Variants in FBLN1 observed in about 807,000 individuals in gnomAD.
FBLN1 encodes the protein fibulin-1.
FBLN1 carries 34 observed loss-of-function variants against 89.7 expected under a neutral mutation model. The ratio of observed to expected loss-of-function variants is 0.38; its 90% CI spans 0.29 to 0.50. The LOEUF is 0.50. Ranked by LOEUF, FBLN1 falls within the 20% of genes least tolerant of loss-of-function variation. The probability of loss-of-function intolerance (pLI) is 0.92; values close to 1 mark genes in which losing one functional copy is unlikely to be tolerated. For synonymous variants in FBLN1, 393 were observed against 391.3 expected, an observed-to-expected ratio of 1.00 and a Z score of -0.05; for missense variants, 777 against 988.1, an observed-to-expected ratio of 0.79 and a Z score of 2.86.
chr22:45,514,214 T>C (rs375299726), intron 1 of FBLN1, among the ~76,000 whole-genome samples: 3 of 152,334 alleles, frequency 2.0e-5, no homozygotes, highest in South Asian at 4.1e-4. Context: ...TCCTGCCCTG[T>C]CCCAAGGTAA....
chr22:45,574,746 A>T lies in FBLN1; in HGVS notation c.1840+93A>T. 1.1e-4 allele frequency: 87 copies of T among 811,960 alleles called. No homozygotes were observed. The highest frequency in any genetic ancestry group is 1.7e-4 in the Non-Finnish European group (84 of 499,354). The allele number at this position is 811,960 out of a possible 1,614,324, so 50.3% of individuals were successfully genotyped here. On this transcript the variant is annotated intron_variant, in intron 15 of 16. Coordinates refer to ENST00000327858, the MANE Select transcript of FBLN1 (RefSeq NM_006486.3). The surrounding 1 kb of genome is among the most constrained non-coding windows in gnomAD (Gnocchi z 4.1). ...GCCTACAGGAGTTGTTCCTTGTAAG[A>T]TGTGGCCCAGGCTTTGAAATGCAGA...
In FBLN1 at chr22:45,529,580, T is replaced by C. The variant is rs528117111; in HGVS notation, c.484+1571T>C. Among the ~76,000 whole-genome samples the C allele has an allele frequency of 2.6e-5, 4 of 152,296 alleles. No individual in the cohort carries two copies. The East Asian group carries it at 5.8e-4, about 22-fold the overall frequency. ...CCACTCTCTTAAAAAATAAAAGAGG[T>C]GTGAGCTGGGCACGGTGGCTCACGC... is the stretch of plus-strand genomic sequence containing the variant. On this transcript the variant is annotated intron_variant, in intron 4 of 16. Transcript: ENST00000327858.
At position 45,576,470 on chromosome 22, in the gene FBLN1, C is replaced by T. The variant is rs1307810890; in HGVS notation, c.1841-507C>T. ...GCCCACAGAGAGGACTCCCCCAAGA[C>T]AGCCCAGAGCTGGGGCTGCCCTGCT... On this transcript the variant is annotated intron_variant, in intron 15 of 16. Coordinates refer to ENST00000327858, the MANE Select transcript of FBLN1 (RefSeq NM_006486.3). The surrounding 1 kb of genome is among the most constrained non-coding windows in gnomAD (Gnocchi z 5.2). Among the ~76,000 whole-genome samples, 7 of 152,068 alleles carry T rather than the reference C, an allele frequency of 4.6e-5. No homozygotes were observed. The highest frequency in any genetic ancestry group is 1.0e-4 in the Non-Finnish European group (7 of 68,022).
At position 45,588,849 on chromosome 22, in the gene FBLN1, C is replaced by G. The variant is rs1184068083; in HGVS notation, c.1973-11458C>G. Among the ~76,000 whole-genome samples the G allele has an allele frequency of 1.3e-5, 2 of 148,294 alleles. No individual in the cohort carries two copies. Among genetic ancestry groups the G allele is most frequent in the Non-Finnish European group, 3.0e-5 (2 of 67,572 alleles). Reference sequence around the variant, plus strand: ...AAAAAGGAATGACGATGATATGAATCTTTTGGCGGCCTCTCCTAACCGTCT... The same window carrying G: ...AAAAAGGAATGACGATGATATGAATGTTTTGGCGGCCTCTCCTAACCGTCT... On this transcript the variant is annotated intron_variant, in intron 16 of 16. Transcript: ENST00000327858. This position sits in a 1 kb window ranked among gnomAD's most constrained non-coding sequence, Gnocchi z 5.1.
chr22:45,557,096 T>C lies in FBLN1; in HGVS notation c.1697+6481T>C, dbSNP rs775192693. Among the ~76,000 whole-genome samples the C allele has an allele frequency of 2.0e-5, 3 of 152,158 alleles. No homozygotes were observed. The highest frequency in any genetic ancestry group is 4.4e-5 in the Non-Finnish European group (3 of 68,040). On this transcript the variant is annotated intron_variant, in intron 14 of 16. Transcript: ENST00000327858. The surrounding 1 kb of genome is among the most constrained non-coding windows in gnomAD (Gnocchi z 4.9). ...AAAGGCCATTCCACTATCCTATCAA[T>C]CTACCTGCTTCACGACGATGGGGAA...
intron 1 of FBLN1, among the ~76,000 whole-genome samples, chr22:45,516,763 C>A (rs1004004195): frequency 6.6e-6 from 1 of 152,216 alleles, no homozygotes; most frequent in South Asian, 2.1e-4. Context: ...CTCGGGGAGC[C>A]GGGTGAGAGT....
chr22:45,508,122 G>A (rs1658745967), intron 1 of FBLN1, among the ~76,000 whole-genome samples: 1 of 152,058 alleles, frequency 6.6e-6, no homozygotes, highest in Non-Finnish European at 1.5e-5. Context: ...CAAAGGAGGT[G>A]CTGTCATTGT....
At chr22:45,543,354 C>T in intron 10 of FBLN1, 47 bp from the exon 11 acceptor site, 8 of 1,605,996 alleles carry the variant, frequency 5.0e-6, no homozygotes, top group Non-Finnish European at 6.8e-6. Flanking sequence ...GAGTGTGGTG[C>T]CACTGTGTTG....
At chr22:45,528,787 C>A (rs1166565229) in intron 4 of FBLN1, among the ~76,000 whole-genome samples, 1 of 152,192 alleles carries the variant, frequency 6.6e-6, no homozygotes, top group Non-Finnish European at 1.5e-5. Flanking sequence ...ATTGCCTTAA[C>A]TCAGCACGGA....
chr22:45,509,033 C>T (rs139586126), intron 1 of FBLN1, among the ~76,000 whole-genome samples: 106 of 152,280 alleles, frequency 7.0e-4, no homozygotes, highest in African/African-American at 2.4e-3. Context: ...AGGAAGGGAC[C>T]TTTGAGCTGG....
chr22:45,551,529 C>T (rs529717129), intron 14 of FBLN1, among the ~76,000 whole-genome samples: 45 of 152,358 alleles, frequency 3.0e-4, no homozygotes, highest in African/African-American at 1.1e-3. Flanking sequence ...GCCCCGTTGT[C>T]CCTGGCAGCC....
chr22:45,513,544 A>G (rs993513141), intron 1 of FBLN1, among the ~76,000 whole-genome samples: 11 of 152,022 alleles, frequency 7.2e-5, no homozygotes, highest in Non-Finnish European at 2.9e-5. Flanking sequence ...GTATGGTCCA[A>G]TGGTATTAAA....
intron 14 of FBLN1, chr22:45,558,214 C>A: frequency 1.7e-6 from 1 of 604,162 alleles, no homozygotes; most frequent in Non-Finnish European, 3.1e-6. Context: ...AGCCCGATCA[C>A]GTATATACCA....
intron 1 of FBLN1, among the ~76,000 whole-genome samples, chr22:45,507,574 C>A (rs985820701): frequency 6.6e-6 from 1 of 152,204 alleles, no homozygotes; most frequent in Non-Finnish European, 1.5e-5. Context: ...GCCGGCCAGG[C>A]TGGAGGGCAG....
intron 14 of FBLN1, chr22:45,564,773 G>A (rs888579865): frequency 3.8e-5 from 50 of 1,313,492 alleles, no homozygotes; most frequent in African/African-American, 1.3e-4. Flanking sequence ...GACATCTCGC[G>A]TGCAGAAGGT....
chr22:45,572,300 C>G lies in FBLN1; in HGVS notation c.1698-2211C>G, dbSNP rs1370700814. 6.6e-6 allele frequency among the ~76,000 whole-genome samples: 1 copy of G among 152,068 alleles called. No individual in the cohort carries two copies. Among genetic ancestry groups the G allele is most frequent in the African/African-American group, 2.4e-5 (1 of 41,412 alleles). ...CTGTGAAAGACGACAAGGGCTGGGC[C>G]AAAAGGACCCAGGAGCCAACTTCAT... On this transcript the variant is annotated intron_variant, in intron 14 of 16. Transcript: ENST00000327858. This position sits in a 1 kb window ranked among gnomAD's most constrained non-coding sequence, Gnocchi z 5.8.
In FBLN1 at chr22:45,574,687, C is replaced by T. The variant is rs1344635653; in HGVS notation, c.1840+34C>T. ...GATGGGTGTGGGGGTCCCAGGGCCCCCTAGGGCCTCCCTCGGCTTCAGCTG... is the reference window on the plus strand; with the variant it reads ...GATGGGTGTGGGGGTCCCAGGGCCCTCTAGGGCCTCCCTCGGCTTCAGCTG... On this transcript the variant is annotated intron_variant, in intron 15 of 16. Transcript: ENST00000327858. The surrounding 1 kb of genome is among the most constrained non-coding windows in gnomAD (Gnocchi z 4.1). 1 of 1,603,118 alleles carries T rather than the reference C, an allele frequency of 6.2e-7. No homozygotes were observed. Among genetic ancestry groups the T allele is most frequent in the Admixed American group, 1.7e-5 (1 of 59,164 alleles).
chr22:45,518,353 G>C (rs569084265), intron 1 of FBLN1, among the ~76,000 whole-genome samples: 198 of 152,168 alleles, frequency 1.3e-3, no homozygotes, highest in Non-Finnish European at 2.6e-3. Flanking sequence ...ACCCTGTCTG[G>C]ACAGGGACCG....
chr22:45,590,446 G>C lies in FBLN1; in HGVS notation c.1973-9861G>C, dbSNP rs759003863. Among the ~76,000 whole-genome samples, 12 of 152,212 alleles carry C rather than the reference G, an allele frequency of 7.9e-5. No homozygotes were observed. Among genetic ancestry groups the C allele is most frequent in the African/African-American group, 2.2e-4 (9 of 41,464 alleles). On this transcript the variant is annotated intron_variant, in intron 16 of 16. Coordinates refer to ENST00000327858, the MANE Select transcript of FBLN1 (RefSeq NM_006486.3). The surrounding 1 kb of genome is among the most constrained non-coding windows in gnomAD (Gnocchi z 4.1). ...CAGTGTGCTGAGAGCTGGGCTGGAC[G>C]GGGCCGTGGGCCTCAGCAAGATGCG...
Sources: gnomAD v4.1 joint callset for allele counts (sites outside exome capture counted in the v4.1 genomes callset) on GRCh38, gnomAD v4.1.1 for gene constraint, Gnocchi (gnomAD v3.1) non-coding constraint, MANE v1.5 for transcripts, NCBI Gene and HGNC (gene_info 2026-07-23, HGNC 2026-07-21) for gene names.